CHCHD4: variants seen among roughly 807,000 people sequenced by gnomAD.
CHCHD4 encodes coiled-coil-helix-coiled-coil-helix domain containing 4, also known as mitochondrial intermembrane space import and assembly protein 40.
A neutral mutation model predicts 12.4 loss-of-function variants in CHCHD4; 7 were observed. That is an observed-to-expected ratio of 0.57 (90% CI 0.32 to 1.06). The LOEUF is 1.06. Among genes scored for constraint, CHCHD4 ranks in the 50% least tolerant of loss-of-function variants. CHCHD4 has a pLI of 0.04. For synonymous variants in CHCHD4, 56 were observed against 58.0 expected, an observed-to-expected ratio of 0.97 and a Z score of 0.16; for missense variants, 143 against 175.1, an observed-to-expected ratio of 0.82 and a Z score of 1.03.
chr3:14,115,596 G>T (rs1001753280), intron 2 of CHCHD4, among the ~76,000 whole-genome samples: 2 of 152,126 alleles, frequency 1.3e-5, no homozygotes, highest in African/African-American at 4.8e-5. Flanking sequence ...TAACCCCTAG[G>T]AGCAGTCAGG....
chr3:14,122,274 CTG>C (rs1298072105), intron 1 of CHCHD4, among the ~76,000 whole-genome samples: 1 of 152,234 alleles, frequency 6.6e-6, no homozygotes, highest in Non-Finnish European at 1.5e-5. Context: ...CTATGACAGT[CTG>C]TAATCATGCA....
intron 2 of CHCHD4, among the ~76,000 whole-genome samples, chr3:14,114,348 C>T (rs1012086148): frequency 6.6e-6 from 1 of 152,180 alleles, no homozygotes; most frequent in Non-Finnish European, 1.5e-5. Context: ...CATTAAGCTA[C>T]GTTTGGTAAC....
At chr3:14,121,893 T>A (rs1292808239) in intron 1 of CHCHD4, 1 of 1,614,184 alleles carries the variant, frequency 6.2e-7, no homozygotes, top group Non-Finnish European at 8.5e-7. Context: ...AGAATGCAAG[T>A]GTTAGAAGTT....
chr3:14,117,633 A>G (rs9819227), intron 1 of CHCHD4, among the ~76,000 whole-genome samples: 7,412 of 152,272 alleles, frequency 0.049, 426 homozygotes, highest in East Asian at 0.22. Context: ...AGTACCCCAC[A>G]CTGCACGGTG....
chr3:14,117,730 A>G (rs1349929793), intron 1 of CHCHD4, among the ~76,000 whole-genome samples: 1 of 152,026 alleles, frequency 6.6e-6, no homozygotes, highest in Non-Finnish European at 1.5e-5. Flanking sequence ...CCTCCATCCT[A>G]TCGCCACCCT....
chr3:14,116,644 G>A (rs1694879416), intron 1 of CHCHD4, 120 bp from the exon 2 acceptor site: 1 of 746,490 alleles, frequency 1.3e-6, no homozygotes, highest in Non-Finnish European at 2.4e-6. Context: ...ATCCCTATGT[G>A]AGGTGACTAT....
chr3:14,118,529 T>C (rs73140601), intron 1 of CHCHD4, among the ~76,000 whole-genome samples: 2,873 of 152,264 alleles, frequency 0.019, 98 homozygotes, highest in African/African-American at 0.065. Flanking sequence ...CCTTACGCCA[T>C]GCCCACACTG....
At chr3:14,121,716 C>A (rs1170786577) in intron 1 of CHCHD4, among the ~76,000 whole-genome samples, 2 of 152,128 alleles carry the variant, frequency 1.3e-5, no homozygotes, top group East Asian at 3.8e-4. Flanking sequence ...GGGAGTGGTG[C>A]CTGTGGTGTA....
At position 14,116,414 on chromosome 3, in the gene CHCHD4, C is replaced by T. The variant is rs532352780; in HGVS notation, c.121+12G>A. The T allele has an allele frequency of 2.2e-5, 34 of 1,578,690 alleles. No homozygotes were observed. In the South Asian group the frequency reaches 3.4e-4, roughly 16 times the overall value. ...CCTGGTGTGGGTCCCTGGGAGGCCA[C>T]ATGTCACTCACCATGCTCCTCGTAT... is the stretch of plus-strand genomic sequence containing the variant. On this transcript the variant is annotated intron_variant, in intron 2 of 2. Transcript: ENST00000396914.
rs563507858 is a variant in CHCHD4 at position 14,115,267 on chromosome 3, G to T, written c.121+1159C>A. On this transcript the variant is annotated intron_variant, in intron 2 of 2. Coordinates refer to ENST00000396914, the MANE Select transcript of CHCHD4 (RefSeq NM_001098502.2). ...GATACATTGCAAGTGACAGAAGCAG[G>T]TAAAAAAAAACAACAGGGACAGGAA... Among the ~76,000 whole-genome samples the T allele has an allele frequency of 6.8e-5, 10 of 147,274 alleles. No homozygotes were observed. In the South Asian group the frequency reaches 1.5e-3, roughly 21 times the overall value.
At chr3:14,123,394 A>G (rs1411466406) in intron 1 of CHCHD4, among the ~76,000 whole-genome samples, 1 of 152,252 alleles carries the variant, frequency 6.6e-6, no homozygotes, top group African/African-American at 2.4e-5. Context: ...TATGGCACAC[A>G]TTAAGTAGTA....
rs1222081711 is a variant in CHCHD4, at chr3:14,124,725, T to C, written c.-49A>G. ...TTGCAGAAGCGGCGGTGGCGGCAGC[T>C]GCACCTTTACGCCGTGACCTCCCTC... On this transcript the variant is annotated 5_prime_UTR_variant, in exon 1 of 3. Coordinates refer to ENST00000396914, the MANE Select transcript of CHCHD4 (RefSeq NM_001098502.2). The C allele has an allele frequency of 1.3e-5, 19 of 1,508,830 alleles. No homozygotes were observed. The highest frequency in any genetic ancestry group is 1.3e-4 in the South Asian group (10 of 79,934). The allele number at this position is 1,508,830 out of a possible 1,614,324, so 93.5% of individuals were successfully genotyped here.
chr3:14,116,967 C>T (rs577229366), intron 1 of CHCHD4, among the ~76,000 whole-genome samples: 5 of 152,192 alleles, frequency 3.3e-5, no homozygotes, highest in African/African-American at 4.8e-5. Flanking sequence ...TAATCGTGGC[C>T]GGAAGAAGGA....
rs1694981798 is a variant in CHCHD4 at position 14,124,522 on chromosome 3, C to A, written c.22+133G>T. The A allele has an allele frequency of 2.9e-5, 20 of 680,580 alleles. 1 individual carries two copies. In the South Asian group the frequency reaches 5.3e-4, roughly 18 times the overall value. 42.2% of individuals were successfully genotyped at this position (680,580 alleles called of 1,614,324 possible). ...TAGCGACCCCCCAGCCGGCCCGCCT[C>A]CGAGTGTCCCAGGGTGGGCACCTGG... On this transcript the variant is annotated intron_variant, in intron 1 of 2. Coordinates refer to ENST00000396914, the MANE Select transcript of CHCHD4 (RefSeq NM_001098502.2).
At chr3:14,113,222 T>G in intron 2 of CHCHD4, 28 bp from the exon 3 acceptor site, 1 of 1,555,874 alleles carries the variant, frequency 6.4e-7, no homozygotes. Flanking sequence ...AGAGATGTTC[T>G]CTAAAGTTTC....
Position 14,112,271 on chromosome 3 carries a change from C to A in CHCHD4, c.*616G>T, listed in dbSNP as rs1459373763. On this transcript the variant is annotated 3_prime_UTR_variant, in exon 3 of 3. Transcript: ENST00000396914. ...GAACAGCCAAGCCAGCCTCTCCCTT[C>A]ACTTAGAAAGGGATTATGAATGGAA... 6 of 152,368 alleles carry A rather than the reference C, an allele frequency of 3.9e-5. No individual in the cohort carries two copies. In the East Asian group the frequency reaches 1.2e-3, roughly 29 times the overall value. 9.4% of individuals were successfully genotyped at this position (152,368 alleles called of 1,614,324 possible).
intron 1 of CHCHD4, among the ~76,000 whole-genome samples, chr3:14,124,418 C>A (rs915700931): frequency 6.6e-6 from 1 of 152,210 alleles, no homozygotes; most frequent in Non-Finnish European, 1.5e-5. Flanking sequence ...CCTCTGAGGT[C>A]AGGGTTCGGG....
Position 14,116,407 on chromosome 3 carries a change from G to T in CHCHD4, c.121+19C>A. 6.5e-7 allele frequency: 1 copy of T among 1,537,902 alleles called. No homozygotes were observed. The highest frequency in any genetic ancestry group is 2.2e-5 in the East Asian group (1 of 44,532). On this transcript the variant is annotated intron_variant, in intron 2 of 2. Coordinates refer to ENST00000396914, the MANE Select transcript of CHCHD4 (RefSeq NM_001098502.2). ...CCAGTGCCCTGGTGTGGGTCCCTGGGAGGCCACATGTCACTCACCATGCTC... is the reference window on the plus strand; with the variant it reads ...CCAGTGCCCTGGTGTGGGTCCCTGGTAGGCCACATGTCACTCACCATGCTC...
chr3:14,123,400 T>C (rs939992801), intron 1 of CHCHD4, among the ~76,000 whole-genome samples: 4 of 152,182 alleles, frequency 2.6e-5, no homozygotes, highest in Non-Finnish European at 5.9e-5. Context: ...ACACATTAAG[T>C]AGTAATCAGC....
Sources: allele counts gnomAD v4.1 joint callset (sites outside exome capture counted in the v4.1 genomes callset), GRCh38; gene constraint gnomAD v4.1.1; transcripts MANE v1.5; gene names NCBI Gene and HGNC (gene_info 2026-07-23, HGNC 2026-07-21).